The following SAMD12 variants were observed in gnomAD, a reference collection of about 807,000 sequenced individuals.
SAMD12 encodes the protein sterile alpha motif domain-containing protein 12.
In SAMD12, 9 loss-of-function variants were observed where a neutral mutation model predicts 15.0. The ratio of observed to expected loss-of-function variants is 0.60; its 90% confidence interval spans 0.36 to 1.05. SAMD12 has a LOEUF of 1.05. Ranked by LOEUF, SAMD12 falls within the 50% of genes least tolerant of loss-of-function variation. The pLI, the probability that SAMD12 is intolerant of heterozygous loss-of-function variation, is 0.01. For missense variants in SAMD12, 230 were observed against 234.2 expected (o/e 0.98, Z 0.12); for synonymous variants, 86 against 90.1 (o/e 0.96, Z 0.25).
intron 1 of SAMD12, among the ~76,000 whole-genome samples, chr8:118,582,254 G>T (rs193220900): frequency 6.6e-6 from 1 of 152,170 alleles, no homozygotes; most frequent in African/African-American, 2.4e-5. Context: ...CCTTTCTTAT[G>T]AATGTCAGAC....
At chr8:118,313,308 C>A (rs995287636) in intron 4 of SAMD12, among the ~76,000 whole-genome samples, 3 of 152,160 alleles carry the variant, frequency 2.0e-5, no homozygotes, top group African/African-American at 4.8e-5. Flanking sequence ...AATTATATAA[C>A]CTGATGGCAA....
rs148866692 is a variant in SAMD12, at chr8:118,609,296, G to A, written c.13+12508C>T. ...GGACAACAAACGAAGTGGGTTCACT[G>A]AGCACTTCTGTACCACACTGTTTAC... On this transcript the variant is annotated intron_variant, in intron 1 of 3. Transcript: ENST00000314727. Among the ~76,000 whole-genome samples the A allele has an allele frequency of 4.1e-4, 62 of 152,332 alleles. No homozygotes were observed. The East Asian group carries it at 0.012, about 28-fold the overall frequency.
intron 2 of SAMD12, among the ~76,000 whole-genome samples, chr8:118,544,534 C>CAAAG (rs1826070870): frequency 6.6e-6 from 1 of 152,186 alleles, no homozygotes; most frequent in Non-Finnish European, 1.5e-5. Flanking sequence ...GAAAGTCAGT[C>CAAAG]AAAGAGTGTA....
intron 2 of SAMD12, among the ~76,000 whole-genome samples, chr8:118,455,292 TA>T (rs912130927): frequency 6.7e-6 from 1 of 149,516 alleles, no homozygotes; most frequent in Admixed American, 6.6e-5. Context: ...TCTCTCTCTC[TA>T]CTGTTTACTC....
downstream of SAMD12, among the ~76,000 whole-genome samples, chr8:118,188,992 G>T (rs1396318941): frequency 6.6e-6 from 1 of 152,144 alleles, no homozygotes; most frequent in Non-Finnish European, 1.5e-5. Flanking sequence ...TAGAGAGATG[G>T]AGCAGGAGGT....
chr8:118,284,206 G>A (rs1813806870), intron 4 of SAMD12: 1 of 442,618 alleles, frequency 2.3e-6, no homozygotes, highest in African/African-American at 2.0e-5. Context: ...AATGAAGAAA[G>A]CTCCAGGTTT....
intron 4 of SAMD12, among the ~76,000 whole-genome samples, chr8:118,368,382 C>T (rs1563801385): frequency 1.3e-5 from 2 of 152,140 alleles, no homozygotes; most frequent in Non-Finnish European, 1.5e-5. Context: ...TACCATTAGC[C>T]GCTGAGCTCA....
the SAMD12 span, among the ~76,000 whole-genome samples, chr8:118,137,937 T>TA: frequency 6.6e-6 from 1 of 151,860 alleles, no homozygotes; most frequent in Non-Finnish European, 1.5e-5. Flanking sequence ...TTTTTTTTTT[T>TA]TACTTATGAG....
At chr8:118,519,442 TGACA>T (rs1324556917) in intron 2 of SAMD12, among the ~76,000 whole-genome samples, 1 of 152,236 alleles carries the variant, frequency 6.6e-6, no homozygotes, top group Non-Finnish European at 1.5e-5. Flanking sequence ...CAGGTCTGGC[TGACA>T]ATCTTATATT....
At chr8:118,541,462 C>T (rs1237703958) in intron 2 of SAMD12, among the ~76,000 whole-genome samples, 1 of 152,178 alleles carries the variant, frequency 6.6e-6, no homozygotes, top group African/African-American at 2.4e-5. Context: ...AAGGACCCAA[C>T]AGTAAACATT....
At position 118,535,096 on chromosome 8, in the gene SAMD12, T is replaced by C. The variant is rs552705632; in HGVS notation, c.192+45619A>G. On this transcript the variant is annotated intron_variant, in intron 2 of 3. Transcript: ENST00000314727. ...TCTTTGTGGTTTTATCTACCTTTGG[T>C]CTTTGATGATGAGGTACAGATGGGG... 5.9e-5 allele frequency among the ~76,000 whole-genome samples: 9 copies of C among 152,344 alleles called. No individual in the cohort carries two copies. In the South Asian group the frequency reaches 1.7e-3, roughly 28 times the overall value.
intron 3 of SAMD12, among the ~76,000 whole-genome samples, chr8:118,381,851 C>G (rs1819689027): frequency 6.6e-6 from 1 of 152,142 alleles, no homozygotes; most frequent in South Asian, 2.1e-4. Context: ...GCAGTTGGCC[C>G]TGTGACTGGA....
intron 4 of SAMD12, among the ~76,000 whole-genome samples, chr8:118,204,301 A>G (rs2129787381): frequency 6.6e-6 from 1 of 152,258 alleles, no homozygotes; most frequent in South Asian, 2.1e-4. Context: ...CTAGTCTATG[A>G]TGGGAGAAAT....
At chr8:118,471,788 G>A (rs1044087532) in intron 2 of SAMD12, among the ~76,000 whole-genome samples, 5 of 152,140 alleles carry the variant, frequency 3.3e-5, no homozygotes, top group Non-Finnish European at 5.9e-5. Context: ...GGTGGTGACC[G>A]TGGTGGTGAT....
rs114250621 is a variant in SAMD12, at chr8:118,342,527, G to A, written c.433+37033C>T. ...TTCTATCTTGGCCAAATTACAGTCC[G>A]ATAAAGAATATAGTGAGTTTCATTT... is the stretch of plus-strand genomic sequence containing the variant. On this transcript the variant is annotated intron_variant, in intron 4 of 4. Transcript: ENST00000409003. 6.4e-3 allele frequency among the ~76,000 whole-genome samples: 981 copies of A among 152,182 alleles called. 12 individuals are homozygous for A. Among genetic ancestry groups the A allele is most frequent in the African/African-American group, 0.023 (951 of 41,508 alleles).
chr8:118,427,921 C>T (rs901749967), intron 3 of SAMD12, among the ~76,000 whole-genome samples: 1 of 152,148 alleles, frequency 6.6e-6, no homozygotes, highest in Non-Finnish European at 1.5e-5. Context: ...ATGTGTGCCA[C>T]GTCCGCAGCA....
exon 5 of SAMD12, chr8:118,189,652 C>T (rs1447845674): frequency 4.6e-5 from 7 of 151,908 alleles, no homozygotes; most frequent in Admixed American, 4.6e-4. Context: ...GAGTCATGCC[C>T]CCCTCAACTC....
intron 4 of SAMD12, among the ~76,000 whole-genome samples, chr8:118,278,650 A>T (rs1408292224): frequency 6.6e-6 from 1 of 152,192 alleles, no homozygotes; most frequent in Non-Finnish European, 1.5e-5. Flanking sequence ...GCTCAAAACC[A>T]GGTTGGAGTA....
chr8:118,459,580 TAAAAC>T (rs1051656262), intron 2 of SAMD12, among the ~76,000 whole-genome samples: 2 of 152,136 alleles, frequency 1.3e-5, no homozygotes, highest in African/African-American at 2.4e-5. Context: ...CAAAGCCACT[TAAAAC>T]AAGCAATTAC....
Sources: allele counts gnomAD v4.1 joint callset (sites outside exome capture counted in the v4.1 genomes callset), GRCh38; gene constraint gnomAD v4.1.1; transcripts MANE v1.5; gene names NCBI Gene and HGNC (gene_info 2026-07-23, HGNC 2026-07-21).